GTF2IRD1: variants seen among roughly 807,000 people sequenced by gnomAD.
GTF2IRD1 encodes the protein GTF2I repeat domain containing 1.
GTF2IRD1 carries 26 observed loss-of-function variants against 113.2 expected under a neutral mutation model. The observed-to-expected ratio is 0.23, with a 90% CI of 0.17 to 0.32. The LOEUF is 0.32. GTF2IRD1 is among the 10% of genes least tolerant of loss of function. GTF2IRD1 has a pLI of 1.00. For missense variants in GTF2IRD1, 864 were observed against 1,280.8 expected, an observed-to-expected ratio of 0.67 and a Z score of 4.97; for synonymous variants, 484 against 529.1, an observed-to-expected ratio of 0.91 and a Z score of 1.17.
At chr7:74,587,287 A>G (rs1427796548) in intron 22 of GTF2IRD1, among the ~76,000 whole-genome samples, 4 of 152,046 alleles carry the variant, frequency 2.6e-5, no homozygotes, top group Admixed American at 1.3e-4. Flanking sequence ...TCTACTAAAT[A>G]TACAAAAATT....
chr7:74,553,699 C>G (rs1362352848), intron 17 of GTF2IRD1, among the ~76,000 whole-genome samples: 3 of 152,198 alleles, frequency 2.0e-5, no homozygotes, highest in Non-Finnish European at 4.4e-5. Flanking sequence ...AGGCCAGCTC[C>G]TCCTGTTACT....
chr7:74,461,198 C>T (rs1793343055), intron 1 of GTF2IRD1, among the ~76,000 whole-genome samples: 1 of 152,082 alleles, frequency 6.6e-6, no homozygotes, highest in African/African-American at 2.4e-5. Flanking sequence ...GGTGGGAGGG[C>T]CTGGCTTGAG....
At chr7:74,530,647 C>A (rs1290732401) in intron 9 of GTF2IRD1, among the ~76,000 whole-genome samples, 1 of 150,364 alleles carries the variant, frequency 6.7e-6, no homozygotes, top group Non-Finnish European at 1.5e-5. Flanking sequence ...TGATGGCCCC[C>A]CCGACCCAAG....
intron 1 of GTF2IRD1, among the ~76,000 whole-genome samples, chr7:74,503,484 C>A (rs1224276769): frequency 1.3e-5 from 2 of 152,180 alleles, no homozygotes; most frequent in Non-Finnish European, 2.9e-5. Flanking sequence ...AGCTTTTAGG[C>A]CGGGCTGTAA....
At chr7:74,474,076 A>C (rs943380292) in intron 1 of GTF2IRD1, among the ~76,000 whole-genome samples, 1 of 96,852 alleles carries the variant, frequency 1.0e-5, no homozygotes, top group Non-Finnish European at 2.5e-5. Flanking sequence ...ATACAAAAAA[A>C]AAAAACAAAC....
At chr7:74,585,620 G>C (rs587765178) in intron 22 of GTF2IRD1, among the ~76,000 whole-genome samples, 2 of 152,090 alleles carry the variant, frequency 1.3e-5, no homozygotes, top group Admixed American at 6.6e-5. Flanking sequence ...GGTGGTTCAC[G>C]TCTGTAATCC....
chr7:74,518,796 G>A (rs1797100702), intron 5 of GTF2IRD1, among the ~76,000 whole-genome samples: 1 of 152,160 alleles, frequency 6.6e-6, no homozygotes, highest in Non-Finnish European at 1.5e-5. Context: ...GCTGAGGCAG[G>A]AGGCTTGCTT....
rs781843361 is a variant in GTF2IRD1, at chr7:74,518,267, A to G, written c.550A>G (p.Lys184Glu). The G allele has an allele frequency of 5.0e-6, 8 of 1,610,532 alleles. No homozygotes were observed. The East Asian group carries it at 1.3e-4, about 27-fold the overall frequency. The stretch of plus-strand genomic sequence containing the variant: ...CCGAAGGCCAGCCGAGTATGACCCC[A>G]AGGCCCTCATGGCCATCCTGGAACA... ...AFRRPAEYDP[K>E]ALMAILEHSH... The change falls in exon 5 of 27, where the codon AAG (lysine) becomes GAG (glutamate). Residue 184 changes from lysine to glutamate, a missense_variant. By Grantham distance (56) the Lys-to-Glu change is moderately conservative. This residue lies in a region of GTF2IRD1 where 182 missense variants were observed against 266.6 expected (regional missense o/e 0.68). Transcript: ENST00000424337.
intron 1 of GTF2IRD1, among the ~76,000 whole-genome samples, chr7:74,485,409 A>C (rs943589945): frequency 6.6e-6 from 1 of 150,762 alleles, no homozygotes; most frequent in Non-Finnish European, 1.5e-5. Context: ...CGAGGTCAGG[A>C]GATCGAGACC....
intron 14 of GTF2IRD1, among the ~76,000 whole-genome samples, chr7:74,544,271 C>T (rs1199553692): frequency 6.6e-6 from 1 of 152,134 alleles, no homozygotes; most frequent in African/African-American, 2.4e-5. Context: ...CTGCAACCTC[C>T]GCCTCCTAGG....
intron 2 of GTF2IRD1, among the ~76,000 whole-genome samples, chr7:74,511,407 G>C (rs28526846): frequency 0.07 from 10,704 of 152,288 alleles, 1,162 homozygotes; most frequent in African/African-American, 0.24. Context: ...CAGCTGAGCG[G>C]TGACTGTGGG....
chr7:74,457,986 C>G (rs926919904), intron 1 of GTF2IRD1, among the ~76,000 whole-genome samples: 2 of 148,806 alleles, frequency 1.3e-5, no homozygotes, highest in Admixed American at 6.8e-5. Flanking sequence ...TCAAGCGATT[C>G]TCCTGCCTCA....
At chr7:74,545,409 C>G (rs115877066) in intron 15 of GTF2IRD1, among the ~76,000 whole-genome samples, 108 of 152,164 alleles carry the variant, frequency 7.1e-4, no homozygotes, top group African/African-American at 2.5e-3. Context: ...GCTCAATTTG[C>G]AGGCTTAGTG....
chr7:74,579,376 G>A (rs1745479700), intron 22 of GTF2IRD1, among the ~76,000 whole-genome samples: 1 of 152,122 alleles, frequency 6.6e-6, no homozygotes, highest in South Asian at 2.1e-4. Flanking sequence ...CCAGCACTTT[G>A]GGAGACCGAG....
intron 22 of GTF2IRD1, among the ~76,000 whole-genome samples, chr7:74,570,680 T>C (rs1440371503): frequency 6.6e-6 from 1 of 152,134 alleles, no homozygotes; most frequent in African/African-American, 2.4e-5. Context: ...GAATTGTTCT[T>C]GAATAGCAGT....
At chr7:74,553,161 G>A (rs1172246801) in intron 17 of GTF2IRD1, among the ~76,000 whole-genome samples, 1 of 149,732 alleles carries the variant, frequency 6.7e-6, no homozygotes, top group African/African-American at 2.5e-5. Flanking sequence ...TTTTGAGACA[G>A]AGTCTCACTC....
intron 22 of GTF2IRD1, among the ~76,000 whole-genome samples, chr7:74,563,892 A>C (rs1181187215): frequency 6.6e-6 from 1 of 152,144 alleles, no homozygotes; most frequent in African/African-American, 2.4e-5. Flanking sequence ...TCTGGAAAAA[A>C]TAAAAATAAA....
intron 1 of GTF2IRD1, among the ~76,000 whole-genome samples, chr7:74,472,231 C>T (rs916681038): frequency 5.4e-5 from 8 of 146,832 alleles, no homozygotes; most frequent in South Asian, 2.2e-4. Flanking sequence ...TGCATAGGGC[C>T]GGGGCCAGGT....
chr7:74,561,343 T>C (rs1799950789), intron 22 of GTF2IRD1, among the ~76,000 whole-genome samples: 3 of 118,512 alleles, frequency 2.5e-5, no homozygotes, highest in East Asian at 2.7e-4. Flanking sequence ...GACTAGATTG[T>C]CTCAAAAAAA....
Sources: gnomAD v4.1 joint callset for allele counts (sites outside exome capture counted in the v4.1 genomes callset) on GRCh38, gnomAD v4.1.1 for gene constraint, gnomAD v4.1.1 regional missense constraint, MANE v1.5 for transcripts, NCBI Gene and HGNC (gene_info 2026-07-23, HGNC 2026-07-21) for gene names.